NDC1: variants seen among roughly 807,000 people sequenced by gnomAD.
NDC1 encodes the protein nucleoporin NDC1.
A neutral mutation model predicts 89.8 loss-of-function variants in NDC1; 24 were observed. The ratio of observed to expected loss-of-function variants is 0.27; its 90% confidence interval spans 0.19 to 0.38. The LOEUF (loss-of-function observed/expected upper bound fraction) is 0.38, where lower values mean the gene tolerates loss of function less well. Ranked by LOEUF, NDC1 falls within the 10% of genes least tolerant of loss-of-function variation. The pLI, the probability that NDC1 is intolerant of heterozygous loss-of-function variation, is 1.00. For missense variants in NDC1, 728 were observed against 797.6 expected (o/e 0.91, Z 1.05); for synonymous variants, 296 against 284.8 (o/e 1.04, Z -0.39).
intron 16 of NDC1, among the ~76,000 whole-genome samples, chr1:53,782,958 C>A (rs1284740357): frequency 6.6e-6 from 1 of 152,072 alleles, no homozygotes; most frequent in Admixed American, 6.6e-5. Context: ...TTGATAATTT[C>A]AATATAACTG....
At chr1:53,835,165 G>A (rs901679170) in intron 2 of NDC1, among the ~76,000 whole-genome samples, 2 of 152,132 alleles carry the variant, frequency 1.3e-5, no homozygotes, top group African/African-American at 4.8e-5. Context: ...ATTTCGAATC[G>A]ATGACAGGAA....
At chr1:53,820,330 A>G (rs1648623071) in intron 5 of NDC1, among the ~76,000 whole-genome samples, 1 of 152,064 alleles carries the variant, frequency 6.6e-6, no homozygotes, top group African/African-American at 2.4e-5. Context: ...TTATGAATTT[A>G]TGTTGGGCCA....
intron 13 of NDC1, among the ~76,000 whole-genome samples, chr1:53,794,675 G>T (rs548070507): frequency 2.6e-5 from 4 of 152,246 alleles, no homozygotes; most frequent in Non-Finnish European, 4.4e-5. Context: ...TTTGAGATCA[G>T]CCTGGGCAAC....
intron 4 of NDC1, among the ~76,000 whole-genome samples, chr1:53,826,330 C>T (rs1462544832): frequency 6.6e-6 from 1 of 152,192 alleles, no homozygotes; most frequent in Non-Finnish European, 1.5e-5. Context: ...GGATCCTGTG[C>T]CCATAAAATT....
At chr1:53,809,389 T>C (rs925328873) in intron 7 of NDC1, among the ~76,000 whole-genome samples, 15 of 152,184 alleles carry the variant, frequency 9.9e-5, no homozygotes, top group African/African-American at 3.6e-4. Context: ...TCTCGCTCTA[T>C]TGCCTAGGCT....
At chr1:53,804,887 A>C (rs780234803) in intron 9 of NDC1, among the ~76,000 whole-genome samples, 58 of 152,100 alleles carry the variant, frequency 3.8e-4, no homozygotes, top group Middle Eastern at 3.4e-3. Flanking sequence ...CATTGGTCCC[A>C]AGCTGAATAA....
intron 7 of NDC1, among the ~76,000 whole-genome samples, chr1:53,808,827 T>C (rs1247069972): frequency 6.6e-6 from 1 of 152,208 alleles, no homozygotes; most frequent in African/African-American, 2.4e-5. Flanking sequence ...AAATTTTGCC[T>C]AGAAACTTTG....
chr1:53,836,274 C>A (rs750432795), intron 1 of NDC1, among the ~76,000 whole-genome samples: 3 of 151,974 alleles, frequency 2.0e-5, no homozygotes, highest in Non-Finnish European at 2.9e-5. Context: ...TGAGGCCGGG[C>A]GTGGTGGCTC....
chr1:53,775,498 A>G (rs939339861), intron 16 of NDC1, among the ~76,000 whole-genome samples: 3 of 152,150 alleles, frequency 2.0e-5, no homozygotes, highest in Non-Finnish European at 4.4e-5. Flanking sequence ...ACCTCAAGTG[A>G]TCCGCCCGCC....
intron 6 of NDC1, among the ~76,000 whole-genome samples, chr1:53,811,039 G>A (rs1462937417): frequency 6.6e-6 from 1 of 152,198 alleles, no homozygotes; most frequent in Non-Finnish European, 1.5e-5. Flanking sequence ...TGTGGGAGAA[G>A]TTTCTGACCT....
chr1:53,768,542 T>C (rs3753420), intron 17 of NDC1, among the ~76,000 whole-genome samples: 36,498 of 152,090 alleles, frequency 0.24, 5,030 homozygotes, highest in African/African-American at 0.38. Flanking sequence ...GTTTTGGATG[T>C]GAACACTGTG....
chr1:53,813,105 G>A lies in NDC1; in HGVS notation c.704-3359C>T, dbSNP rs534484248. Among the ~76,000 whole-genome samples the A allele has an allele frequency of 7.2e-5, 11 of 152,266 alleles. No individual in the cohort carries two copies. In the East Asian group the frequency reaches 9.7e-4, roughly 13 times the overall value. On this transcript the variant is annotated intron_variant, in intron 6 of 17. Transcript: ENST00000371429. ...CCACCATTACAAGAACTGCTAAAAG[G>A]AGCTCTAAATCTTGAAACAAATTCT...
At chr1:53,813,842 A>G (rs920553277) in intron 6 of NDC1, among the ~76,000 whole-genome samples, 2 of 152,228 alleles carry the variant, frequency 1.3e-5, no homozygotes, top group Non-Finnish European at 2.9e-5. Context: ...TCAACAGCAC[A>G]TGGAACTTTC....
intron 16 of NDC1, among the ~76,000 whole-genome samples, chr1:53,779,267 A>G (rs1647185639): frequency 6.6e-6 from 1 of 152,140 alleles, no homozygotes; most frequent in Non-Finnish European, 1.5e-5. Context: ...TCATAACCCT[A>G]TGAGGTAGCT....
In NDC1 at chr1:53,836,472, A is replaced by G. The variant is rs556625599; in HGVS notation, c.58-852T>C. ...CTAACAAAAAAAAAAAAAAAAAAGA[A>G]TAAAGTTGAACTCCTATCCCACATT... On this transcript the variant is annotated intron_variant, in intron 1 of 17. Coordinates refer to ENST00000371429, the MANE Select transcript of NDC1 (RefSeq NM_018087.5). Among the ~76,000 whole-genome samples, 3 of 151,454 alleles carry G rather than the reference A, an allele frequency of 2.0e-5. No individual in the cohort carries two copies. The East Asian group carries it at 5.8e-4, about 29-fold the overall frequency.
chr1:53,815,255 T>C (rs1341680049), intron 6 of NDC1, among the ~76,000 whole-genome samples: 1 of 152,196 alleles, frequency 6.6e-6, no homozygotes, highest in African/African-American at 2.4e-5. Flanking sequence ...TAATCCACCA[T>C]GATAAAGTGG....
At chr1:53,817,543 T>C (rs1388001281) in intron 6 of NDC1, among the ~76,000 whole-genome samples, 2 of 152,178 alleles carry the variant, frequency 1.3e-5, no homozygotes, top group Non-Finnish European at 2.9e-5. Flanking sequence ...TGTATACTGC[T>C]TGGGTGATGG....
At chr1:53,782,071 G>C (rs1287622564) in intron 16 of NDC1, among the ~76,000 whole-genome samples, 2 of 152,294 alleles carry the variant, frequency 1.3e-5, no homozygotes, top group East Asian at 3.9e-4. Context: ...GTGTTGAGGG[G>C]GGAGTTACAG....
intron 16 of NDC1, among the ~76,000 whole-genome samples, chr1:53,784,633 A>G (rs188467647): frequency 1.2e-3 from 185 of 152,338 alleles, no homozygotes; most frequent in Middle Eastern, 3.4e-3. Context: ...TCTACTAAAA[A>G]TACAAAAATT....
Sources: allele counts gnomAD v4.1 joint callset (sites outside exome capture counted in the v4.1 genomes callset), GRCh38; gene constraint gnomAD v4.1.1; transcripts MANE v1.5; gene names NCBI Gene and HGNC (gene_info 2026-07-23, HGNC 2026-07-21).